SPOCK1: variants seen among roughly 807,000 people sequenced by gnomAD.
SPOCK1 encodes the protein testican-1.
In SPOCK1, 23 loss-of-function variants were observed where a neutral mutation model predicts 55.3. The ratio of observed to expected loss-of-function variants is 0.42; its 90% CI spans 0.30 to 0.59. The LOEUF is 0.59. Among genes scored for constraint, SPOCK1 ranks in the 20% least tolerant of loss-of-function variants. SPOCK1 has a pLI of 0.22. For synonymous variants in SPOCK1, 226 were observed against 221.0 expected, an observed-to-expected ratio of 1.02 and a Z score of -0.20; for missense variants, 499 against 552.5, an observed-to-expected ratio of 0.90 and a Z score of 0.97.
intron 3 of SPOCK1, among the ~76,000 whole-genome samples, chr5:137,151,332 G>C (rs917023989): frequency 2.0e-5 from 3 of 152,076 alleles, no homozygotes; most frequent in African/African-American, 7.2e-5. Context: ...ATCTATTATG[G>C]AATAGAATGC....
At chr5:137,006,455 C>T (rs916559363) in intron 6 of SPOCK1, among the ~76,000 whole-genome samples, 1 of 152,064 alleles carries the variant, frequency 6.6e-6, no homozygotes, top group African/African-American at 2.4e-5. Flanking sequence ...GTATTTTATT[C>T]TCTTTGTAGC....
chr5:137,488,573 T>A (rs534734835), intron 2 of SPOCK1, among the ~76,000 whole-genome samples: 30 of 152,336 alleles, frequency 2.0e-4, no homozygotes, highest in African/African-American at 7.0e-4. Flanking sequence ...GCATCTTTTC[T>A]CTTTGTCTTG....
intron 2 of SPOCK1, among the ~76,000 whole-genome samples, chr5:137,335,327 A>G (rs569717344): frequency 6.6e-6 from 1 of 152,372 alleles, no homozygotes; most frequent in African/African-American, 2.4e-5. Flanking sequence ...AATATGCATC[A>G]GCACACATTG....
chr5:137,202,655 T>C (rs1251353666), intron 3 of SPOCK1, among the ~76,000 whole-genome samples: 2 of 152,224 alleles, frequency 1.3e-5, no homozygotes, highest in Non-Finnish European at 2.9e-5. Flanking sequence ...ATGAATTAGT[T>C]AGGTGTTCAC....
At chr5:137,096,970 T>G (rs535740779) in intron 5 of SPOCK1, among the ~76,000 whole-genome samples, 1 of 152,246 alleles carries the variant, frequency 6.6e-6, no homozygotes, top group Non-Finnish European at 1.5e-5. Context: ...TAACTGAGTC[T>G]CCCTCTCTGC....
chr5:137,414,290 G>A (rs1415494818), intron 2 of SPOCK1, among the ~76,000 whole-genome samples: 1 of 152,174 alleles, frequency 6.6e-6, no homozygotes, highest in African/African-American at 2.4e-5. Flanking sequence ...ATTTCTGAGT[G>A]GCAAAAGAGA....
At chr5:137,293,130 T>A (rs1469117058) in intron 2 of SPOCK1, among the ~76,000 whole-genome samples, 1 of 122,660 alleles carries the variant, frequency 8.2e-6, no homozygotes, top group African/African-American at 3.0e-5. Flanking sequence ...TTGATGCACA[T>A]TGTAGGCCAT....
At chr5:137,101,711 C>A (rs1160925659) in intron 5 of SPOCK1, among the ~76,000 whole-genome samples, 1 of 152,178 alleles carries the variant, frequency 6.6e-6, no homozygotes, top group African/African-American at 2.4e-5. Context: ...GAAAATGTCA[C>A]AATAACCATT....
At chr5:137,498,337 C>T (rs1263552344) in intron 2 of SPOCK1, 36 bp downstream of exon 2, 2 of 1,539,552 alleles carry the variant, frequency 1.3e-6, no homozygotes, top group Non-Finnish European at 8.7e-7. Flanking sequence ...CCGAGAGGCT[C>T]CGCGCCCCCC....
chr5:137,076,555 A>G (rs952840065), intron 5 of SPOCK1, among the ~76,000 whole-genome samples: 4 of 150,920 alleles, frequency 2.7e-5, no homozygotes, highest in African/African-American at 9.8e-5. Context: ...AAGCCTATTT[A>G]ATAATAAAAA....
intron 3 of SPOCK1, among the ~76,000 whole-genome samples, chr5:137,184,457 G>C (rs1489620778): frequency 1.3e-5 from 2 of 152,190 alleles, no homozygotes; most frequent in African/African-American, 4.8e-5. Context: ...GGAATCTGCT[G>C]CCCAGCACGG....
chr5:137,317,861 C>G (rs1476363784), intron 2 of SPOCK1, among the ~76,000 whole-genome samples: 1 of 152,230 alleles, frequency 6.6e-6, no homozygotes, highest in Non-Finnish European at 1.5e-5. Flanking sequence ...TTTCCAAGAT[C>G]CGCATAGCTA....
At chr5:137,244,064 T>C (rs948877284) in intron 3 of SPOCK1, among the ~76,000 whole-genome samples, 2 of 152,202 alleles carry the variant, frequency 1.3e-5, no homozygotes, top group South Asian at 2.1e-4. Context: ...TAGGTTATTA[T>C]TGATGAAAGA....
intron 3 of SPOCK1, among the ~76,000 whole-genome samples, chr5:137,237,028 C>T (rs1756194534): frequency 6.6e-6 from 1 of 152,216 alleles, no homozygotes; most frequent in Non-Finnish European, 1.5e-5. Flanking sequence ...AGCTCACAGC[C>T]ACACTGTCCT....
chr5:137,405,470 AGGGTCCTCCTGC>A (rs1752078020), intron 2 of SPOCK1, among the ~76,000 whole-genome samples: 1 of 152,166 alleles, frequency 6.6e-6, no homozygotes, highest in Admixed American at 6.5e-5. Context: ...GTCAGAAACG[AGGGTCCTCCTGC>A]GGGTAGCCCA....
chr5:137,112,639 A>T, intron 4 of SPOCK1, 78 bp from the exon 5 acceptor site: 1 of 1,532,578 alleles, frequency 6.5e-7, no homozygotes, highest in Non-Finnish European at 8.8e-7. Context: ...CCCAGAATAA[A>T]AGGCCAAATA....
At chr5:137,431,157 C>G (rs1348435194) in intron 2 of SPOCK1, among the ~76,000 whole-genome samples, 3 of 152,200 alleles carry the variant, frequency 2.0e-5, no homozygotes, top group Non-Finnish European at 4.4e-5. Flanking sequence ...GAGGCAAGGA[C>G]AGCAGCTATA....
intron 2 of SPOCK1, among the ~76,000 whole-genome samples, chr5:137,296,860 C>T (rs182967263): frequency 1.5e-4 from 23 of 152,176 alleles, no homozygotes; most frequent in Non-Finnish European, 2.8e-4. Context: ...TAACAGCAGG[C>T]TTCCTGAGAC....
intron 2 of SPOCK1, among the ~76,000 whole-genome samples, chr5:137,363,042 T>C (rs1346372982): frequency 2.0e-5 from 3 of 152,216 alleles, no homozygotes; most frequent in South Asian, 2.1e-4. Flanking sequence ...GAGGCCCTCA[T>C]GACAGTAATC....
Sources: gnomAD v4.1 joint callset for allele counts (sites outside exome capture counted in the v4.1 genomes callset) on GRCh38, gnomAD v4.1.1 for gene constraint, MANE v1.5 for transcripts, NCBI Gene and HGNC (gene_info 2026-07-23, HGNC 2026-07-21) for gene names.